Variants in TDRD9 observed in about 807,000 individuals in gnomAD.
The protein encoded by TDRD9 is ATP-dependent RNA helicase TDRD9.
TDRD9 carries 124 observed loss-of-function variants against 172.6 expected under a neutral mutation model. That is an observed-to-expected ratio of 0.72 (90% CI 0.62 to 0.83). The LOEUF (loss-of-function observed/expected upper bound fraction) is 0.83. Ranked by LOEUF, TDRD9 falls within the 40% of genes least tolerant of loss-of-function variation. The pLI is 0.00. For missense variants in TDRD9, 1,479 were observed against 1,714.1 expected, an observed-to-expected ratio of 0.86 and a Z score of 2.42; for synonymous variants, 619 against 617.1, an observed-to-expected ratio of 1.00 and a Z score of -0.05.
chr14:103,988,179 AT>A (rs201857042), intron 8 of TDRD9, among the ~76,000 whole-genome samples: 2,517 of 143,602 alleles, frequency 0.018, 69 homozygotes, highest in African/African-American at 0.059. Flanking sequence ...TGAGTGGGAT[AT>A]TTTTTTTTTT....
intron 23 of TDRD9, among the ~76,000 whole-genome samples, chr14:104,021,310 G>A (rs573682540): frequency 1.1e-4 from 16 of 152,202 alleles, no homozygotes; most frequent in African/African-American, 3.6e-4. Context: ...ATTACAATTC[G>A]ACATGAGATT....
chr14:103,999,223 C>T (rs1203750171), intron 13 of TDRD9, among the ~76,000 whole-genome samples: 1 of 152,174 alleles, frequency 6.6e-6, no homozygotes, highest in Non-Finnish European at 1.5e-5. Flanking sequence ...CCATGCTTCT[C>T]CTCTCTTCTA....
intron 7 of TDRD9, among the ~76,000 whole-genome samples, chr14:103,983,493 A>G (rs1414751236): frequency 6.6e-6 from 1 of 152,214 alleles, no homozygotes; most frequent in South Asian, 2.1e-4. Flanking sequence ...TTTGTCCTCA[A>G]CAAAATCAGA....
Position 104,045,254 on chromosome 14 carries a change from C to T in TDRD9, c.3974+3067C>T, listed in dbSNP as rs960328853. ...TGGCTTCTCCACATTCTCACCAGCA[C>T]GAGGCACCGGCACGTGTTGTTACTG... On this transcript the variant is annotated intron_variant, in intron 34 of 35. Coordinates refer to ENST00000409874, the MANE Select transcript of TDRD9 (RefSeq NM_153046.3). Among the ~76,000 whole-genome samples, 8 of 152,252 alleles carry T rather than the reference C, an allele frequency of 5.3e-5. No individual in the cohort carries two copies. In the East Asian group the frequency reaches 1.5e-3, roughly 29 times the overall value.
intron 3 of TDRD9, among the ~76,000 whole-genome samples, chr14:103,963,471 A>T (rs2032603481): frequency 7.3e-6 from 1 of 137,214 alleles, no homozygotes; most frequent in Non-Finnish European, 1.6e-5. Context: ...ATCTGCAAGT[A>T]AACACTTAGT....
chr14:103,984,910 G>T (rs774013877), intron 7 of TDRD9, among the ~76,000 whole-genome samples: 1 of 152,206 alleles, frequency 6.6e-6, no homozygotes, highest in Non-Finnish European at 1.5e-5. Context: ...CCCAGCTCTT[G>T]CATCAGTGTG....
At chr14:103,931,886 C>T (rs1436002748) in intron 1 of TDRD9, among the ~76,000 whole-genome samples, 2 of 152,012 alleles carry the variant, frequency 1.3e-5, no homozygotes, top group African/African-American at 4.8e-5. Context: ...CTCGGAGGGG[C>T]CACATGGAAA....
intron 28 of TDRD9, 142 bp downstream of exon 28, chr14:104,027,081 T>G (rs562759804): frequency 9.5e-5 from 80 of 845,390 alleles, no homozygotes; most frequent in Non-Finnish European, 1.3e-4. Context: ...GTGTTAAGAC[T>G]GGTGGCACCA....
At position 103,965,428 on chromosome 14, in the gene TDRD9, C is replaced by G. The variant is rs959354020; in HGVS notation, c.516C>G (p.His172Gln). 1 of 1,551,624 alleles carries G rather than the reference C, an allele frequency of 6.4e-7. No individual in the cohort carries two copies. The highest frequency in any genetic ancestry group is 8.7e-7 in the Non-Finnish European group (1 of 1,146,980). The change falls in exon 4 of 36, where the codon CAC (histidine) becomes CAG (glutamine). Residue 172 changes from histidine to glutamine, a missense_variant. His to Gln is a conservative substitution (Grantham distance 24). Transcript: ENST00000409874. ...AGCTCCCGCAGTATATCTTGGACCA[C>G]TACGTTCAGCGCTCCGCCTACTGCA... ...STQLPQYILD[H>Q]YVQRSAYCSI...
chr14:104,011,912 G>T (rs933744916), intron 20 of TDRD9, among the ~76,000 whole-genome samples: 15 of 151,902 alleles, frequency 9.9e-5, no homozygotes, highest in Non-Finnish European at 1.8e-4. Flanking sequence ...ATCAGCAAAG[G>T]TTAAAAAAAA....
chr14:104,032,705 T>C (rs1053814049), intron 30 of TDRD9, among the ~76,000 whole-genome samples: 15 of 152,210 alleles, frequency 9.9e-5, no homozygotes, highest in African/African-American at 3.4e-4. Flanking sequence ...AGTGTGTGGT[T>C]TGGGGCAAAC....
chr14:103,937,741 T>C (rs1173814489), intron 1 of TDRD9, among the ~76,000 whole-genome samples: 3 of 152,228 alleles, frequency 2.0e-5, no homozygotes, highest in Non-Finnish European at 2.9e-5. Flanking sequence ...TGAAGAATTA[T>C]GCTTTTAGAG....
chr14:103,979,855 A>G (rs1194723519), intron 7 of TDRD9, among the ~76,000 whole-genome samples: 1 of 151,334 alleles, frequency 6.6e-6, no homozygotes, highest in African/African-American at 2.4e-5. Context: ...CAACATTTAA[A>G]CAATTTGCAT....
chr14:104,014,681 C>A, intron 20 of TDRD9, 44 bp from the exon 21 acceptor site: 1 of 1,137,096 alleles, frequency 8.8e-7, no homozygotes, highest in Non-Finnish European at 1.3e-6. Flanking sequence ...GCTCTGATGA[C>A]ATATGTACCT....
chr14:103,957,319 T>C (rs960901991), intron 2 of TDRD9, among the ~76,000 whole-genome samples: 2 of 152,224 alleles, frequency 1.3e-5, no homozygotes, highest in African/African-American at 4.8e-5. Context: ...TGGCCTGATG[T>C]CTCCTTGCTA....
chr14:104,032,291 C>T (rs1276255656), intron 30 of TDRD9, among the ~76,000 whole-genome samples: 2 of 152,118 alleles, frequency 1.3e-5, no homozygotes, highest in Non-Finnish European at 2.9e-5. Flanking sequence ...ACTGCAACCT[C>T]CGCCTCCCAG....
chr14:104,018,053 C>T (rs753167600), intron 22 of TDRD9, 39 bp from the exon 23 acceptor site: 15 of 1,212,694 alleles, frequency 1.2e-5, no homozygotes, highest in Admixed American at 2.0e-5. Context: ...ATTTTGTTAG[C>T]TCTAGTAATC....
chr14:104,023,486 G>A (rs868199318), intron 24 of TDRD9, among the ~76,000 whole-genome samples: 6 of 152,140 alleles, frequency 3.9e-5, no homozygotes, highest in African/African-American at 9.7e-5. Flanking sequence ...TTTCCCTCCC[G>A]CCCAGAGAGT....
intron 32 of TDRD9, among the ~76,000 whole-genome samples, chr14:104,039,739 T>G (rs1281220728): frequency 1.3e-5 from 2 of 152,204 alleles, no homozygotes; most frequent in African/African-American, 4.8e-5. Flanking sequence ...TTTGTAAGTG[T>G]GCACCATTGT....
Sources: gnomAD v4.1 joint callset for allele counts (sites outside exome capture counted in the v4.1 genomes callset) on GRCh38, gnomAD v4.1.1 for gene constraint, MANE v1.5 for transcripts, NCBI Gene and HGNC (gene_info 2026-07-23, HGNC 2026-07-21) for gene names.